MMUT: variants seen among roughly 807,000 people sequenced by gnomAD.
MMUT encodes methylmalonyl-CoA mutase.
A neutral mutation model predicts 79.9 loss-of-function variants in MMUT; 79 were observed. That is an observed-to-expected ratio of 0.99 (90% CI 0.82 to 1.19). The LOEUF (loss-of-function observed/expected upper bound fraction) is 1.19. Among genes scored for constraint, MMUT ranks in the 50% most tolerant of loss-of-function variants. The pLI is 0.00. For synonymous variants in MMUT, 273 were observed against 295.7 expected, an observed-to-expected ratio of 0.92 and a Z score of 0.79; for missense variants, 860 against 917.2, an observed-to-expected ratio of 0.94 and a Z score of 0.81.
rs542466439 is a variant in MMUT, at chr6:49,459,062, G to C, written c.385+20C>G. On this transcript the variant is annotated intron_variant, in intron 2 of 12. Coordinates refer to ENST00000274813, the MANE Select transcript of MMUT (RefSeq NM_000255.4). ...GCATATGACTTATCATAAATATTAT[G>C]TCTTACATTAAAATCTCACCCTTAA... 1.2e-6 allele frequency: 2 copies of C among 1,610,518 alleles called. No homozygotes were observed. The highest frequency in any genetic ancestry group is 1.7e-4 in the Middle Eastern group (1 of 6,044).
rs764878769 is a variant in MMUT at position 49,431,870 on chromosome 6, G to T, written c.2125-14C>A. The stretch of plus-strand genomic sequence containing the variant: ...AAATTCATAATCCTGTTGAAAGAAT[G>T]TGTTTAATTAATAAGAGCCACTATT... On this transcript the variant is annotated splice_polypyrimidine_tract_variant and intron_variant, in intron 12 of 12. Transcript: ENST00000274813. 6.2e-7 allele frequency: 1 copy of T among 1,611,858 alleles called. No individual in the cohort carries two copies. Among genetic ancestry groups the T allele is most frequent in the South Asian group, 1.1e-5 (1 of 91,028 alleles).
chr6:49,448,177 C>G (rs951328287), intron 7 of MMUT, among the ~76,000 whole-genome samples: 6 of 151,792 alleles, frequency 4.0e-5, no homozygotes, highest in South Asian at 2.1e-4. Flanking sequence ...AAAAAAGAAC[C>G]CTTCTATAAT....
intron 7 of MMUT, 58 bp from the exon 8 acceptor site, chr6:49,447,843 T>G (rs755630409): frequency 1.2e-5 from 11 of 926,120 alleles, no homozygotes; most frequent in Non-Finnish European, 1.8e-5. Context: ...TGTAATGCTC[T>G]GGTTATGATG....
chr6:49,447,702 C>G lies in MMUT; in HGVS notation c.1528G>C (p.Val510Leu). 4 of 1,609,314 alleles carry G rather than the reference C, an allele frequency of 2.5e-6. No homozygotes were observed. Among genetic ancestry groups the G allele is most frequent in the Non-Finnish European group, 3.4e-6 (4 of 1,176,802 alleles). Residue 510 changes from valine to leucine, a missense_variant, in exon 8 of 13, where the codon GTG becomes CTG. Physicochemically the swap from Val to Leu is conservative, Grantham distance 32. Transcript: ENST00000274813. ...AGTTTTTCAATCTGCCTGTTTCGCA[C>G]TGAAGTATTATCAATTGCCAGAACT... ...VEVLAIDNTS[V>L]RNRQIEKLKK...
intron 7 of MMUT, among the ~76,000 whole-genome samples, chr6:49,448,455 A>G (rs559624557): frequency 6.6e-6 from 1 of 152,214 alleles, no homozygotes; most frequent in South Asian, 2.1e-4. Context: ...ATGCCCAGAC[A>G]TAGCAAGTGC....
rs770863949 is a variant in MMUT at position 49,457,829 on chromosome 6, T to C, written c.615A>G (p.Glu205=). 8 of 1,613,686 alleles carry C rather than the reference T, an allele frequency of 5.0e-6. No homozygotes were observed. The highest frequency in any genetic ancestry group is 5.9e-6 in the Non-Finnish European group (7 of 1,179,724). Residue 205 remains glutamate, a synonymous_variant, in exon 3 of 13, where the codon GAA becomes GAG. Coordinates refer to ENST00000274813, the MANE Select transcript of MMUT (RefSeq NM_000255.4). ...TAAGCTTCTCTTTAGGTACACCTTG[T>C]TCTTCTCCAGTTACTATAAAATTTG... ...VLANFIVTGE[E]QGVPKEKLTG...
chr6:49,443,900 A>G (rs1268361398), intron 9 of MMUT: 2 of 359,864 alleles, frequency 5.6e-6, no homozygotes, highest in Non-Finnish European at 1.1e-5. Context: ...ACAAAGGAGC[A>G]TGTTAAGGGT....
chr6:49,430,771 A>C lies in MMUT; in HGVS notation c.*957T>G, dbSNP rs1383244682. The C allele has an allele frequency of 6.6e-6, 1 of 152,202 alleles. No individual in the cohort carries two copies. Among genetic ancestry groups the C allele is most frequent in the African/African-American group, 2.4e-5 (1 of 41,462 alleles). 9.4% of individuals were successfully genotyped at this position (152,202 alleles called of 1,614,324 possible). A position where few individuals can be genotyped will look rare whatever the true frequency, so the allele number is the denominator to read the frequency against. ...TTTATTTAAACTTTTTTTATTTTAC[A>C]TTCTGGGGAACATGTGCAGGATGTG... is the stretch of plus-strand genomic sequence containing the variant. On this transcript the variant is annotated 3_prime_UTR_variant, in exon 13 of 13. Coordinates refer to ENST00000274813, the MANE Select transcript of MMUT (RefSeq NM_000255.4).
At chr6:49,452,741 T>C (rs1767585152) in intron 5 of MMUT, among the ~76,000 whole-genome samples, 1 of 152,224 alleles carries the variant, frequency 6.6e-6, no homozygotes, top group Admixed American at 6.5e-5. Context: ...ATATAAATTA[T>C]TTTTAAATGT....
At chr6:49,451,415 T>C in intron 6 of MMUT, 51 bp downstream of exon 6, 1 of 1,587,810 alleles carries the variant, frequency 6.3e-7, no homozygotes. Context: ...TCTATAAATC[T>C]TTACAAATCT....
chr6:49,459,042 T>A (rs1767765329), intron 2 of MMUT, 40 bp downstream of exon 2: 1 of 1,594,068 alleles, frequency 6.3e-7, no homozygotes, highest in Non-Finnish European at 8.6e-7. Flanking sequence ...AGGAGGCATA[T>A]GACTTATCAT....
chr6:49,462,478 C>G (rs542185538), intron 1 of MMUT, among the ~76,000 whole-genome samples: 2 of 152,290 alleles, frequency 1.3e-5, no homozygotes, highest in East Asian at 3.9e-4. Context: ...GGCAGAAAAT[C>G]ATCAAGTGGT....
Position 49,431,862 on chromosome 6 carries a change from G to T in MMUT, c.2125-6C>A. ...TCAAACAGAAATTCATAATCCTGTT[G>T]AAAGAATGTGTTTAATTAATAAGAG... is the stretch of plus-strand genomic sequence containing the variant. On this transcript the variant is annotated splice_polypyrimidine_tract_variant and splice_region_variant and intron_variant, in intron 12 of 12. Transcript: ENST00000274813. 1 of 1,612,692 alleles carries T rather than the reference G, an allele frequency of 6.2e-7. No homozygotes were observed. The highest frequency in any genetic ancestry group is 1.1e-5 in the South Asian group (1 of 91,028).
chr6:49,447,819 A>ATT, intron 7 of MMUT, 34 bp from the exon 8 acceptor site: 1 of 1,140,028 alleles, frequency 8.8e-7, no homozygotes, highest in Non-Finnish European at 1.3e-6. Flanking sequence ...TTTATTCACA[A>ATT]ATAATTACCT....
chr6:49,451,058 G>A (rs1767538517), intron 6 of MMUT, among the ~76,000 whole-genome samples: 1 of 152,088 alleles, frequency 6.6e-6, no homozygotes, highest in Non-Finnish European at 1.5e-5. Flanking sequence ...CATGTGTAAT[G>A]TCTACAGTTG....
chr6:49,433,666 C>T (rs916390515), intron 12 of MMUT, among the ~76,000 whole-genome samples: 5 of 152,030 alleles, frequency 3.3e-5, no homozygotes, highest in Non-Finnish European at 7.4e-5. Context: ...TGAGGAGAGA[C>T]CACGTTTATT....
At chr6:49,445,256 A>C (rs1223508715) in intron 8 of MMUT, among the ~76,000 whole-genome samples, 3 of 152,162 alleles carry the variant, frequency 2.0e-5, no homozygotes, top group East Asian at 3.8e-4. Context: ...TCGAGAGCGA[A>C]AGAGGGACTA....
rs121918255 is a variant in MMUT at position 49,435,473 on chromosome 6, C to G, written c.2107G>C (p.Gly703Arg). The G allele has an allele frequency of 6.2e-7, 1 of 1,614,042 alleles. No homozygotes were observed. The highest frequency in any genetic ancestry group is 1.3e-5 in the African/African-American group (1 of 75,044). Residue 703 changes from glycine to arginine, a missense_variant, in exon 12 of 13, where the codon GGG becomes CGG. By Grantham distance (125) the Gly-to-Arg change is moderately radical. Transcript: ENST00000274813. ...AAAAATACCTGAGGTGGTATCACCC[C>G]TCCACACATGACAAGAATATCTGGC... ...GRPDILVMCG[G>R]VIPPQDYEFL...
In MMUT at chr6:49,451,685, T is replaced by C. The variant is rs1373936551; in HGVS notation, c.1113A>G (p.Ala371=). ...QDPYNNIVRT[A]IEAMAAVFGG... ...CAAATACTGCTGCCATTGCTTCTAT[T>C]GCAGTACGGACAATATTATTGTAGG... Residue 371 remains alanine, a synonymous_variant, in exon 6 of 13, where the codon GCA becomes GCG. Coordinates refer to ENST00000274813, the MANE Select transcript of MMUT (RefSeq NM_000255.4). 2 of 1,613,800 alleles carry C rather than the reference T, an allele frequency of 1.2e-6. No individual in the cohort carries two copies. The highest frequency in any genetic ancestry group is 2.7e-5 in the African/African-American group (2 of 74,920).
Sources: gnomAD v4.1 joint callset for allele counts (sites outside exome capture counted in the v4.1 genomes callset) on GRCh38, gnomAD v4.1.1 for gene constraint, MANE v1.5 for transcripts, NCBI Gene and HGNC (gene_info 2026-07-23, HGNC 2026-07-21) for gene names.